Variants in C2orf15 observed in about 807,000 individuals in gnomAD.
The protein encoded by C2orf15 is chromosome 2 open reading frame 15.
A neutral mutation model predicts 4.4 loss-of-function variants in C2orf15; 3 were observed. The observed-to-expected ratio is 0.67, with a 90% CI of 0.31 to 1.74. C2orf15 has a LOEUF of 1.74. Among genes scored for constraint, C2orf15 ranks in the 40% most tolerant of loss-of-function variants. The pLI, the probability that C2orf15 is intolerant of heterozygous loss-of-function variation, is 0.09. For synonymous variants in C2orf15, 37 were observed against 36.8 expected, an observed-to-expected ratio of 1.00 and a Z score of -0.02; for missense variants, 90 against 103.3, an observed-to-expected ratio of 0.87 and a Z score of 0.56.
chr2:99,143,401 C>T (rs905449702), intron 2 of C2orf15, among the ~76,000 whole-genome samples: 2 of 151,460 alleles, frequency 1.3e-5, no homozygotes, highest in Non-Finnish European at 2.9e-5. Flanking sequence ...CCTCATGATC[C>T]ACCCGCCTCA....
Position 99,147,491 on chromosome 2 carries a change from A to C in C2orf15, c.-79A>C. 1 of 1,613,924 alleles carries C rather than the reference A, an allele frequency of 6.2e-7. No individual in the cohort carries two copies. Among genetic ancestry groups the C allele is most frequent in the East Asian group, 2.2e-5 (1 of 44,880 alleles). Reference sequence around the variant, plus strand: ...TCATGTCCTCAACTCTGGGGAAGTTAAGGTAAGACTCACAGGGCCAAGTCT... The same window carrying C: ...TCATGTCCTCAACTCTGGGGAAGTTCAGGTAAGACTCACAGGGCCAAGTCT... On this transcript the variant is annotated splice_region_variant and 5_prime_UTR_variant, in exon 3 of 4. Transcript: ENST00000650052.
intron 3 of C2orf15, chr2:99,148,238 CCTTT>C (rs1300877288): frequency 6.6e-6 from 1 of 152,056 alleles, no homozygotes. Context: ...AGGAGTATTT[CCTTT>C]CTAAGAAAAA....
In C2orf15 at chr2:99,148,514, CTG is replaced by C. The variant is rs2093655090; in HGVS notation, c.-77+1023_-77+1024del. ...AGGCTACTACAGTAGACCCAGGACTCTGTTTTGTTATAAACACTGATATTCAG... is the reference window on the plus strand; with the variant it reads ...AGGCTACTACAGTAGACCCAGGACTCTTTTGTTATAAACACTGATATTCAG... On this transcript the variant is annotated intron_variant, in intron 3 of 3. Coordinates refer to ENST00000650052, the MANE Select transcript of C2orf15 (RefSeq NM_144706.4). 2.0e-5 allele frequency among the ~76,000 whole-genome samples: 3 copies of C among 152,188 alleles called. 1 individual carries two copies. The South Asian group carries it at 6.2e-4, about 31-fold the overall frequency.
chr2:99,144,802 A>T (rs2093615708), intron 2 of C2orf15, among the ~76,000 whole-genome samples: 1 of 152,116 alleles, frequency 6.6e-6, no homozygotes, highest in Non-Finnish European at 1.5e-5. Context: ...TGCAATGCAA[A>T]AATTGCTTCA....
chr2:99,142,623 TATTTTAGATTAAG>T (rs1468373049), intron 2 of C2orf15, among the ~76,000 whole-genome samples: 1 of 152,230 alleles, frequency 6.6e-6, no homozygotes, highest in Non-Finnish European at 1.5e-5. Context: ...GTGTCCCTGT[TATTTTAGATTAAG>T]AGGTTAGAGG....
chr2:99,150,839 ATTTGT>A lies in C2orf15; in HGVS notation c.*6_*10del, dbSNP rs2093686625. 3.2e-6 allele frequency: 5 copies of A among 1,557,598 alleles called. No homozygotes were observed. Among genetic ancestry groups the A allele is most frequent in the Non-Finnish European group, 4.3e-6 (5 of 1,153,294 alleles). ...GAAATGACAGATGTGGAATGAAGCA[ATTTGT>A]ACGTATTACCAAAGAAACCAAAAAC... On this transcript the variant is annotated 3_prime_UTR_variant, in exon 4 of 4. Transcript: ENST00000650052.
chr2:99,150,555 C>T lies in C2orf15; in HGVS notation c.-4C>T. ...ATTACTTTCACATTTGTTCAGCTAT[C>T]CTAATGGGATTTTCACTTAGTAAAT... On this transcript the variant is annotated 5_prime_UTR_variant, in exon 4 of 4. Coordinates refer to ENST00000650052, the MANE Select transcript of C2orf15 (RefSeq NM_144706.4). The T allele has an allele frequency of 1.2e-6, 2 of 1,612,468 alleles. No homozygotes were observed. Among genetic ancestry groups the T allele is most frequent in the Non-Finnish European group, 1.7e-6 (2 of 1,179,454 alleles).
At chr2:99,144,568 G>A (rs2093612239) in intron 2 of C2orf15, among the ~76,000 whole-genome samples, 1 of 149,338 alleles carries the variant, frequency 6.7e-6, no homozygotes, top group African/African-American at 2.5e-5. Context: ...AGACTTGCTT[G>A]AACCCGGGAG....
At chr2:99,147,856 C>T (rs540509686) in intron 3 of C2orf15, among the ~76,000 whole-genome samples, 1 of 152,248 alleles carries the variant, frequency 6.6e-6, no homozygotes, top group South Asian at 2.1e-4. Flanking sequence ...ATTCTTCACC[C>T]CTAACTATTT....
Position 99,150,479 on chromosome 2 carries a change from TC to T in C2orf15, c.-76-3del. Reference sequence around the variant, plus strand: ...TCACTTGTTACTTTTTTTTTTTTTTTCAGTAATCAAGTTGAAGAAACACTTC... The same window carrying T: ...TCACTTGTTACTTTTTTTTTTTTTTTAGTAATCAAGTTGAAGAAACACTTC... On this transcript the variant is annotated splice_region_variant and splice_polypyrimidine_tract_variant and intron_variant, in intron 3 of 3. Coordinates refer to ENST00000650052, the MANE Select transcript of C2orf15 (RefSeq NM_144706.4). 1.2e-5 allele frequency: 17 copies of T among 1,463,068 alleles called. No individual in the cohort carries two copies. Among genetic ancestry groups the T allele is most frequent in the South Asian group, 6.6e-5 (5 of 76,276 alleles). 90.6% of individuals were successfully genotyped at this position (1,463,068 alleles called of 1,614,324 possible).
Position 99,150,750 on chromosome 2 carries a change from C to A in C2orf15, c.192C>A (p.Gly64=), listed in dbSNP as rs1302340257. Residue 64 remains glycine, a synonymous_variant, in exon 4 of 4, where the codon GGC becomes GGA. Coordinates refer to ENST00000650052, the MANE Select transcript of C2orf15 (RefSeq NM_144706.4). ...QENFTRIEGT[G]TGSLSGKALG... is the part of the protein sequence containing the mutation. ...ACTTTACAAGGATTGAAGGGACTGG[C>A]ACAGGATCTCTTTCTGGGAAAGCCT... 1 of 1,613,698 alleles carries A rather than the reference C, an allele frequency of 6.2e-7. No individual in the cohort carries two copies. The highest frequency in any genetic ancestry group is 1.1e-5 in the South Asian group (1 of 91,026).
At position 99,147,447 on chromosome 2, in the gene C2orf15, C is replaced by T. The variant is rs534075645; in HGVS notation, c.-123C>T. 6.2e-7 allele frequency: 1 copy of T among 1,613,676 alleles called. No individual in the cohort carries two copies. Among genetic ancestry groups the T allele is most frequent in the Admixed American group, 1.7e-5 (1 of 60,018 alleles). On this transcript the variant is annotated 5_prime_UTR_variant, in exon 3 of 4. The change creates a premature stop within an existing upstream ORF in the 5' untranslated region. Coordinates refer to ENST00000650052, the MANE Select transcript of C2orf15 (RefSeq NM_144706.4). ...CTAAATGCCAGTCCAAAGAGGCCCCCAATAGACTTGTTCACCCTTCATGTC... is the reference window on the plus strand; with the variant it reads ...CTAAATGCCAGTCCAAAGAGGCCCCTAATAGACTTGTTCACCCTTCATGTC...
intron 3 of C2orf15, 149 bp downstream of exon 3, chr2:99,147,642 G>T: frequency 1.5e-6 from 1 of 688,624 alleles, no homozygotes; most frequent in Non-Finnish European, 2.3e-6. Flanking sequence ...AGAGTTTTGT[G>T]TTTTTTAAAA....
At chr2:99,144,110 T>G (rs571209439) in intron 2 of C2orf15, among the ~76,000 whole-genome samples, 20 of 152,294 alleles carry the variant, frequency 1.3e-4, no homozygotes, top group African/African-American at 4.6e-4. Flanking sequence ...AAGCTCTGCC[T>G]CGCGGCTTCA....
chr2:99,150,845 A>G lies in C2orf15; in HGVS notation c.*11A>G, dbSNP rs1289183743. On this transcript the variant is annotated 3_prime_UTR_variant, in exon 4 of 4. Coordinates refer to ENST00000650052, the MANE Select transcript of C2orf15 (RefSeq NM_144706.4). The stretch of plus-strand genomic sequence containing the variant: ...ACAGATGTGGAATGAAGCAATTTGT[A>G]CGTATTACCAAAGAAACCAAAAACT... 3 of 1,549,226 alleles carry G rather than the reference A, an allele frequency of 1.9e-6. No homozygotes were observed. The African/African-American group carries it at 4.2e-5, about 22-fold the overall frequency.
rs536792917 is a variant in C2orf15, at chr2:99,150,801, A to C, written c.243A>C (p.Glu81Asp). 51 of 1,600,236 alleles carry C rather than the reference A, an allele frequency of 3.2e-5. No individual in the cohort carries two copies. In the East Asian group the frequency reaches 1.1e-3, roughly 33 times the overall value. ...TGGGTTCAGTGGTATATGTCAAAGA[A>C]AGTGATGGACTAGAAATGACAGATG... ...KALGSVVYVKESDGLEMTDVE is the reference protein window; with the variant it reads ...KALGSVVYVKDSDGLEMTDVE The change falls in exon 4 of 4, where the codon GAA becomes GAC. Residue 81 changes from glutamate (E) to aspartate (D), a missense_variant. Glu to Asp is a conservative substitution (Grantham distance 45). Transcript: ENST00000650052.
rs750988071 is a variant in C2orf15, at chr2:99,150,485, A to C, written c.-74A>C. 1 of 1,506,006 alleles carries C rather than the reference A, an allele frequency of 6.6e-7. No individual in the cohort carries two copies. The highest frequency in any genetic ancestry group is 1.3e-5 in the South Asian group (1 of 77,988). 93.3% of individuals were successfully genotyped at this position (1,506,006 alleles called of 1,614,324 possible). The stretch of plus-strand genomic sequence containing the variant: ...GTTACTTTTTTTTTTTTTTTCAGTA[A>C]TCAAGTTGAAGAAACACTTCCACTA... On this transcript the variant is annotated splice_region_variant and 5_prime_UTR_variant, in exon 4 of 4. Coordinates refer to ENST00000650052, the MANE Select transcript of C2orf15 (RefSeq NM_144706.4).
intron 2 of C2orf15, among the ~76,000 whole-genome samples, 175 bp downstream of exon 2, chr2:99,142,576 T>C (rs557842685): frequency 2.6e-5 from 4 of 152,370 alleles, no homozygotes; most frequent in African/African-American, 9.6e-5. Context: ...AGATATCATA[T>C]ACTTTGTAAG....
chr2:99,145,367 G>A (rs966098642), intron 2 of C2orf15, among the ~76,000 whole-genome samples: 36 of 152,054 alleles, frequency 2.4e-4, no homozygotes, highest in African/African-American at 8.7e-4. Context: ...AGACCAGCCT[G>A]TTCAACATGG....
Sources: gnomAD v4.1 joint callset for allele counts (sites outside exome capture counted in the v4.1 genomes callset) on GRCh38, gnomAD v4.1.1 for gene constraint, MANE v1.5 for transcripts, NCBI Gene and HGNC (gene_info 2026-07-23, HGNC 2026-07-21) for gene names.